FHAD1: variants seen among roughly 807,000 people sequenced by gnomAD.
The protein encoded by FHAD1 is forkhead-associated domain-containing protein 1.
Under a neutral mutation model 191.3 loss-of-function variants are expected in FHAD1, and 146 were observed. The observed-to-expected ratio is 0.76, with a 90% CI of 0.67 to 0.88. The LOEUF is 0.88. Ranked by LOEUF, FHAD1 falls within the 40% of genes least tolerant of loss-of-function variation. FHAD1 has a pLI of 0.00. For missense variants in FHAD1, 1,635 were observed against 1,785.8 expected, an observed-to-expected ratio of 0.92 and a Z score of 1.52; for synonymous variants, 616 against 672.3, an observed-to-expected ratio of 0.92 and a Z score of 1.29.
chr1:15,369,690 G>A (rs555605994), intron 26 of FHAD1, among the ~76,000 whole-genome samples, 188 bp downstream of exon 26: 7 of 152,344 alleles, frequency 4.6e-5, no homozygotes, highest in South Asian at 2.1e-4. Context: ...AGCTGTCCAC[G>A]GTGTGATGTG....
chr1:15,336,066 T>TGCACCTCTCCAAC (rs1353284751), intron 14 of FHAD1, among the ~76,000 whole-genome samples: 2 of 152,290 alleles, frequency 1.3e-5, no homozygotes, highest in African/African-American at 4.8e-5. Flanking sequence ...ATCCTTGCAA[T>TGCACCTCTCCAAC]GCACCTCTCC....
intron 20 of FHAD1, among the ~76,000 whole-genome samples, chr1:15,355,929 A>G (rs1692604068): frequency 7.0e-6 from 1 of 142,570 alleles, no homozygotes; most frequent in Non-Finnish European, 1.5e-5. Flanking sequence ...GTCATTCTAG[A>G]AAACTTGAAA....
intron 3 of FHAD1, among the ~76,000 whole-genome samples, chr1:15,284,914 GAA>G (rs1661899277): frequency 6.6e-6 from 1 of 150,744 alleles, no homozygotes; most frequent in Non-Finnish European, 1.5e-5. Context: ...CAGAGAGAAA[GAA>G]AGAGGAGGAA....
intron 23 of FHAD1, among the ~76,000 whole-genome samples, 167 bp from the exon 24 acceptor site, chr1:15,365,660 G>A (rs373771083): frequency 5.3e-5 from 8 of 151,960 alleles, no homozygotes; most frequent in Non-Finnish European, 1.0e-4. Context: ...GAAAAAAGTC[G>A]TTTTTCTTTT....
chr1:15,288,199 A>G (rs956682668), intron 3 of FHAD1, among the ~76,000 whole-genome samples: 6 of 152,180 alleles, frequency 3.9e-5, no homozygotes, highest in African/African-American at 1.4e-4. Context: ...AATAAGGAGA[A>G]CCCTCACACA....
At chr1:15,353,549 G>T (rs565778993) in intron 20 of FHAD1, among the ~76,000 whole-genome samples, 1 of 151,458 alleles carries the variant, frequency 6.6e-6, no homozygotes. Context: ...TACTAAAAAC[G>T]CAAAAATTAG....
chr1:15,390,486 C>T (rs1407420107), intron 32 of FHAD1, among the ~76,000 whole-genome samples: 1 of 152,164 alleles, frequency 6.6e-6, no homozygotes, highest in Non-Finnish European at 1.5e-5. Context: ...AGGACCCCGG[C>T]CCCTGGGTTT....
intron 23 of FHAD1, chr1:15,363,697 G>C (rs1183329611): frequency 4.4e-6 from 2 of 454,972 alleles, no homozygotes; most frequent in East Asian, 1.4e-4. Flanking sequence ...TCGGCTAAGT[G>C]ACCTTAAATA....
At chr1:15,277,816 T>A (rs1658975458) in intron 3 of FHAD1, among the ~76,000 whole-genome samples, 1 of 152,222 alleles carries the variant, frequency 6.6e-6, no homozygotes, top group Admixed American at 6.5e-5. Flanking sequence ...AGTTCCCCCC[T>A]TGCAGTTTCT....
At chr1:15,315,903 GT>G (rs1278208370) in intron 8 of FHAD1, among the ~76,000 whole-genome samples, 2 of 152,192 alleles carry the variant, frequency 1.3e-5, no homozygotes, top group African/African-American at 4.8e-5. Context: ...GAATTTCTGG[GT>G]CAAAAAGGAG....
In FHAD1 at chr1:15,312,982, A is replaced by C; in HGVS notation, c.1040-75A>C. The stretch of plus-strand genomic sequence containing the variant: ...CCCTTCTCAGTGCCAGGCTCGTCAC[A>C]AACTGGTTGACAGCGGCAGCGATGA... On this transcript the variant is annotated intron_variant, in intron 7 of 33. Transcript: ENST00000688493. This position sits in a 1 kb window ranked among gnomAD's most constrained non-coding sequence, Gnocchi z 4.7. The C allele has an allele frequency of 6.5e-7, 1 of 1,527,986 alleles. No individual in the cohort carries two copies. Among genetic ancestry groups the C allele is most frequent in the African/African-American group, 1.4e-5 (1 of 72,666 alleles). 94.7% of individuals were successfully genotyped at this position (1,527,986 alleles called of 1,614,324 possible).
intron 14 of FHAD1, among the ~76,000 whole-genome samples, chr1:15,336,101 C>T (rs1683951231): frequency 6.6e-6 from 1 of 152,196 alleles, no homozygotes; most frequent in African/African-American, 2.4e-5. Flanking sequence ...ACCCTGTACT[C>T]TCAAGCCTCC....
Position 15,358,280 on chromosome 1 carries a change from A to T in FHAD1, c.2733A>T (p.Lys911Asn). 1.3e-6 allele frequency: 2 copies of T among 1,527,722 alleles called. No homozygotes were observed. Among genetic ancestry groups the T allele is most frequent in the South Asian group, 2.5e-5 (2 of 78,684 alleles). The allele number at this position is 1,527,722 out of a possible 1,614,324, so 94.6% of individuals were successfully genotyped here. ...CCGAACTGGAAACTACCAAGACAAA[A>T]ATGGTAAGTCGGTGCCTTCCGGGAA... ...TLAELETTKT[K>N]MIMVEERLIL... The change falls in exon 21 of 34, where the codon AAA (lysine) becomes AAT (asparagine). Residue 911 changes from lysine (K) to asparagine (N), a missense_variant. By Grantham distance (94) the Lys-to-Asn change is moderately conservative. Coordinates refer to ENST00000688493, the MANE Select transcript of FHAD1 (RefSeq NM_001391957.1).
At chr1:15,302,842 C>A (rs1669258830) in intron 6 of FHAD1, among the ~76,000 whole-genome samples, 2 of 152,216 alleles carry the variant, frequency 1.3e-5, no homozygotes, top group African/African-American at 4.8e-5. Context: ...ATGCCTGGGG[C>A]CTCTGTTCGC....
At chr1:15,371,516 A>C (rs1054047010) in intron 26 of FHAD1, among the ~76,000 whole-genome samples, 3 of 152,186 alleles carry the variant, frequency 2.0e-5, no homozygotes, top group African/African-American at 7.2e-5. Context: ...AAATAAATAA[A>C]TTCCCAGCAG....
At chr1:15,332,846 A>G (rs1223976940) in intron 14 of FHAD1, among the ~76,000 whole-genome samples, 2 of 152,248 alleles carry the variant, frequency 1.3e-5, no homozygotes, top group Non-Finnish European at 2.9e-5. Flanking sequence ...TGGAGTCGTG[A>G]GATTTGAACA....
chr1:15,390,109 G>A (rs144829712), intron 32 of FHAD1, among the ~76,000 whole-genome samples: 415 of 152,192 alleles, frequency 2.7e-3, no homozygotes, highest in African/African-American at 9.4e-3. Context: ...ACTTTGGGAG[G>A]ACGAGGCAGG....
At chr1:15,358,018 C>A in intron 20 of FHAD1, 92 bp from the exon 21 acceptor site, 1 of 883,040 alleles carries the variant, frequency 1.1e-6, no homozygotes, top group Non-Finnish European at 1.7e-6. Context: ...AGAGAATAGA[C>A]TTTACCCTGT....
At chr1:15,255,005 G>C (rs773309152) in intron 2 of FHAD1, among the ~76,000 whole-genome samples, 18 of 152,002 alleles carry the variant, frequency 1.2e-4, no homozygotes, top group Non-Finnish European at 1.9e-4. Context: ...TGATTAACCT[G>C]AGAATCATGC....
Sources: allele counts gnomAD v4.1 joint callset (sites outside exome capture counted in the v4.1 genomes callset), GRCh38; gene constraint gnomAD v4.1.1; non-coding constraint Gnocchi (gnomAD v3.1); transcripts MANE v1.5; gene names NCBI Gene and HGNC (gene_info 2026-07-23, HGNC 2026-07-21).